The following PKHD1 variants were observed in gnomAD, a reference collection of about 807,000 sequenced individuals.
The protein encoded by PKHD1 is PKHD1 ciliary IPT domain containing fibrocystin/polyductin.
PKHD1 carries 291 observed loss-of-function variants against 412.0 expected under a neutral mutation model. That is an observed-to-expected ratio of 0.71 (90% CI 0.64 to 0.78). The LOEUF (loss-of-function observed/expected upper bound fraction) is 0.78, where lower values mean the gene tolerates loss of function less well. Among genes scored for constraint, PKHD1 ranks in the 30% least tolerant of loss-of-function variants. The pLI is 0.00. For synonymous variants in PKHD1, 1,777 were observed against 1,821.5 expected (o/e 0.98, Z 0.62); for missense variants, 4,825 against 4,950.7 (o/e 0.97, Z 0.76).
intron 35 of PKHD1, among the ~76,000 whole-genome samples, chr6:51,978,348 A>C (rs1187994520): frequency 6.6e-6 from 1 of 152,158 alleles, no homozygotes; most frequent in East Asian, 1.9e-4. Flanking sequence ...AACACATCAT[A>C]AGATAAGGAC....
intron 37 of PKHD1, among the ~76,000 whole-genome samples, chr6:51,931,918 A>AT (rs1427491061): frequency 6.7e-6 from 1 of 148,540 alleles, no homozygotes. Flanking sequence ...GAGAAGGAGA[A>AT]TAAAGAAGAA....
chr6:51,818,087 C>A (rs979471236), intron 52 of PKHD1, among the ~76,000 whole-genome samples: 2 of 152,108 alleles, frequency 1.3e-5, no homozygotes, highest in African/African-American at 4.8e-5. Context: ...TGGTTTCAAA[C>A]GAGATCCAGG....
In PKHD1 at chr6:52,025,962, G is replaced by A; in HGVS notation, c.3848C>T (p.Ser1283Leu). 1 of 1,614,160 alleles carries A rather than the reference G, an allele frequency of 6.2e-7. No homozygotes were observed. The highest frequency in any genetic ancestry group is 1.1e-5 in the South Asian group (1 of 91,084). The change falls in exon 32 of 67, where the codon TCA becomes TTA. Residue 1283 changes from serine to leucine, a missense_variant. Transcript: ENST00000371117. ...AGNRFFARGPSPSLVGKGFTF... is the reference protein window; with the variant it reads ...AGNRFFARGPLPSLVGKGFTF... ...GAAGCCTTTCCCCACCAAGCTTGGT[G>A]AAGGACCACGGGCGAAGAACCTGTT...
At chr6:51,712,724 A>G (rs76797978) in intron 60 of PKHD1, among the ~76,000 whole-genome samples, 7,185 of 152,312 alleles carry the variant, frequency 0.047, 226 homozygotes, top group Middle Eastern at 0.11. Flanking sequence ...CTGTATTACC[A>G]GCCTAGCCCT....
At chr6:51,818,168 C>T (rs7748507) in intron 52 of PKHD1, among the ~76,000 whole-genome samples, 62,850 of 151,980 alleles carry the variant, frequency 0.41, 14,640 homozygotes, top group East Asian at 0.71. Flanking sequence ...GAGCGGGCCC[C>T]GGAGTGCACA....
At chr6:51,733,933 T>C (rs886237503) in intron 60 of PKHD1, among the ~76,000 whole-genome samples, 3 of 152,200 alleles carry the variant, frequency 2.0e-5, no homozygotes, top group African/African-American at 7.2e-5. Flanking sequence ...AAAGGGCACG[T>C]ATGCATGTGA....
At chr6:52,035,468 C>T in intron 28 of PKHD1, 123 bp downstream of exon 28, 1 of 980,692 alleles carries the variant, frequency 1.0e-6, no homozygotes, top group Admixed American at 1.7e-5. Context: ...CTACTACAAG[C>T]ATACTATCAT....
At chr6:51,976,829 T>A (rs1794503088) in intron 35 of PKHD1, among the ~76,000 whole-genome samples, 1 of 150,990 alleles carries the variant, frequency 6.6e-6, no homozygotes, top group African/African-American at 2.4e-5. Flanking sequence ...ATGCCTGTAG[T>A]CCCAGCTACT....
At chr6:52,063,660 G>A (rs910512471) in intron 13 of PKHD1, among the ~76,000 whole-genome samples, 15 of 152,162 alleles carry the variant, frequency 9.9e-5, no homozygotes, top group African/African-American at 3.4e-4. Context: ...CCTATGCATT[G>A]CACAATGTCT....
Position 52,013,632 on chromosome 6 carries a change from GTACAGA to G in PKHD1, c.5601-3179_5601-3174del, listed in dbSNP as rs57838698. Among the ~76,000 whole-genome samples, 1,174 of 152,122 alleles carry G rather than the reference GTACAGA, an allele frequency of 7.7e-3. 17 individuals are homozygous for G. Among genetic ancestry groups the G allele is most frequent in the African/African-American group, 0.027 (1,116 of 41,480 alleles). On this transcript the variant is annotated intron_variant, in intron 34 of 66. Transcript: ENST00000371117. ...TATATAGACAGAGAGATCAATATAT[GTACAGA>G]TACAGATACAGATATACATGCATAC...
chr6:51,678,367 T>G (rs1776168860), intron 60 of PKHD1, among the ~76,000 whole-genome samples: 1 of 152,154 alleles, frequency 6.6e-6, no homozygotes, highest in Non-Finnish European at 1.5e-5. Context: ...AGCTGTTACA[T>G]TCCTATAATT....
chr6:51,950,632 G>T (rs1362505297), intron 36 of PKHD1, among the ~76,000 whole-genome samples: 1 of 152,176 alleles, frequency 6.6e-6, no homozygotes, highest in Non-Finnish European at 1.5e-5. Flanking sequence ...GTTACCAGGT[G>T]ATGCCAGTGC....
Position 52,059,259 on chromosome 6 carries a change from C to CTTTTTTTTTTTTT in PKHD1, c.1233+656_1234-659dup, listed in dbSNP as rs55992586. Among the ~76,000 whole-genome samples, 663 of 83,528 alleles carry CTTTTTTTTTTTTT rather than the reference C, an allele frequency of 7.9e-3. 6 individuals carry two copies. The highest frequency in any genetic ancestry group is 0.011 in the Middle Eastern group (1 of 94). 54.8% of individuals were successfully genotyped at this position (83,528 alleles called of 152,430 possible). A position where few individuals can be genotyped will look rare whatever the true frequency, so the allele number is the denominator to read the frequency against. On this transcript the variant is annotated intron_variant, in intron 15 of 66. Transcript: ENST00000371117. ...CTTTCTTTTTTTTCTTTTTCTTTTT[C>CTTTTTTTTTTTTT]TTTTTTTTTTTTTTTTTTTTTTTTG...
intron 53 of PKHD1, among the ~76,000 whole-genome samples, chr6:51,784,657 C>T (rs1045273020): frequency 6.6e-6 from 1 of 152,122 alleles, no homozygotes; most frequent in Non-Finnish European, 1.5e-5. Context: ...GAAAGCAACA[C>T]TGTATATCTC....
At chr6:51,749,914 G>C (rs750968911) in intron 57 of PKHD1, among the ~76,000 whole-genome samples, 11 of 152,032 alleles carry the variant, frequency 7.2e-5, no homozygotes, top group Non-Finnish European at 1.5e-4. Flanking sequence ...TCATTTTTAA[G>C]GTACTGACTA....
At chr6:51,745,528 A>G (rs1014322237) in intron 59 of PKHD1, among the ~76,000 whole-genome samples, 2 of 152,062 alleles carry the variant, frequency 1.3e-5, no homozygotes, top group African/African-American at 4.8e-5. Flanking sequence ...TGGACTCCCC[A>G]GCCTCCAGAA....
intron 52 of PKHD1, among the ~76,000 whole-genome samples, chr6:51,816,961 A>T (rs1051962343): frequency 1.3e-5 from 2 of 152,204 alleles, no homozygotes; most frequent in Non-Finnish European, 2.9e-5. Flanking sequence ...GAAAACATAA[A>T]TTATGAACCA....
At chr6:51,825,713 T>C (rs1767186003) in intron 52 of PKHD1, among the ~76,000 whole-genome samples, 1 of 152,174 alleles carries the variant, frequency 6.6e-6, no homozygotes, top group Non-Finnish European at 1.5e-5. Flanking sequence ...GTGTGTTTTA[T>C]GCTGTTAGGT....
intron 37 of PKHD1, among the ~76,000 whole-genome samples, chr6:51,914,147 C>T (rs542683985): frequency 2.6e-5 from 4 of 152,186 alleles, no homozygotes; most frequent in Middle Eastern, 3.4e-3. Context: ...CAAATACCTG[C>T]TATGTGACTA....
Sources: allele counts gnomAD v4.1 joint callset (sites outside exome capture counted in the v4.1 genomes callset), GRCh38; gene constraint gnomAD v4.1.1; transcripts MANE v1.5; gene names NCBI Gene and HGNC (gene_info 2026-07-23, HGNC 2026-07-21).